The following TENM2 variants were observed in gnomAD, a reference collection of about 807,000 sequenced individuals.
TENM2 encodes the protein teneurin transmembrane protein 2.
In TENM2, 52 loss-of-function variants were observed where a neutral mutation model predicts 245.2. The observed-to-expected ratio is 0.21, with a 90% CI of 0.17 to 0.27. The LOEUF (loss-of-function observed/expected upper bound fraction) is 0.27, where lower values mean the gene tolerates loss of function less well. Among genes scored for constraint, TENM2 ranks in the 10% least tolerant of loss-of-function variants. The probability of loss-of-function intolerance (pLI) is 1.00; values close to 1 mark genes in which losing one functional copy is unlikely to be tolerated. For synonymous variants in TENM2, 1,363 were observed against 1,438.9 expected, an observed-to-expected ratio of 0.95 and a Z score of 1.19; for missense variants, 3,046 against 3,666.8, an observed-to-expected ratio of 0.83 and a Z score of 4.37.
chr5:167,866,603 C>T (rs115791216), intron 2 of TENM2, among the ~76,000 whole-genome samples: 2,020 of 151,786 alleles, frequency 0.013, 29 homozygotes, highest in Non-Finnish European at 0.017. Context: ...ACAGTTGTTT[C>T]GGCGTGTTTA....
At chr5:167,916,769 G>A (rs1029722476) in intron 3 of TENM2, among the ~76,000 whole-genome samples, 1 of 152,166 alleles carries the variant, frequency 6.6e-6, no homozygotes, top group Non-Finnish European at 1.5e-5. Context: ...TCCGTGGGAG[G>A]CCTCACTTAT....
At chr5:168,152,700 T>C (rs1756762647) in intron 12 of TENM2, among the ~76,000 whole-genome samples, 1 of 152,172 alleles carries the variant, frequency 6.6e-6, no homozygotes, top group East Asian at 1.9e-4. Flanking sequence ...CACTGGACTC[T>C]CTTATTATTG....
the TENM2 span, among the ~76,000 whole-genome samples, chr5:167,054,469 A>T: frequency 6.6e-6 from 1 of 152,168 alleles, no homozygotes; most frequent in African/African-American, 2.4e-5. Flanking sequence ...AGTTTTGGCA[A>T]TTGAATAAAG....
chr5:168,219,851 C>T (rs952920890), intron 23 of TENM2, among the ~76,000 whole-genome samples: 114 of 94,394 alleles, frequency 1.2e-3, no homozygotes, highest in Admixed American at 0.011. Flanking sequence ...AAAAAAAAAG[C>T]GGGGGACAAG....
chr5:168,054,449 G>A (rs1789369002), intron 6 of TENM2, among the ~76,000 whole-genome samples: 1 of 152,200 alleles, frequency 6.6e-6, no homozygotes, highest in Admixed American at 6.5e-5. Context: ...AATGACTGTA[G>A]CAATATTCTG....
chr5:167,680,927 C>CTGTCT (rs5873061), intron 2 of TENM2, among the ~76,000 whole-genome samples: 67,005 of 151,494 alleles, frequency 0.44, 17,750 homozygotes, highest in East Asian at 0.94. Flanking sequence ...GTGTCATAAA[C>CTGTCT]TTGAATGATG....
chr5:167,055,119 A>T, the TENM2 span, among the ~76,000 whole-genome samples: 1 of 151,966 alleles, frequency 6.6e-6, no homozygotes, highest in Admixed American at 6.6e-5. Context: ...GGTCATATAG[A>T]TTTTTCTCCT....
chr5:167,630,039 C>A (rs948015411), intron 2 of TENM2, among the ~76,000 whole-genome samples: 1 of 152,032 alleles, frequency 6.6e-6, no homozygotes, highest in Non-Finnish European at 1.5e-5. Flanking sequence ...TGGACAGTAC[C>A]AAACCCTATA....
chr5:167,642,986 C>T (rs571422386), intron 2 of TENM2, among the ~76,000 whole-genome samples: 1 of 152,282 alleles, frequency 6.6e-6, no homozygotes, highest in South Asian at 2.1e-4. Flanking sequence ...CCACCGCTCA[C>T]TGCAAAGGGG....
chr5:167,629,479 G>T (rs1444555566), intron 2 of TENM2, among the ~76,000 whole-genome samples: 1 of 152,072 alleles, frequency 6.6e-6, no homozygotes, highest in African/African-American at 2.4e-5. Flanking sequence ...TGCCATGTTG[G>T]TACATATTTT....
At chr5:167,761,434 A>T (rs1762658107) in intron 2 of TENM2, among the ~76,000 whole-genome samples, 1 of 152,126 alleles carries the variant, frequency 6.6e-6, no homozygotes, top group Non-Finnish European at 1.5e-5. Context: ...CCACTCCAAG[A>T]AATTCTTCAA....
Position 167,578,027 on chromosome 5 carries a change from G to A in TENM2, c.502+202554G>A, listed in dbSNP as rs1440673249. On this transcript the variant is annotated intron_variant, in intron 2 of 28. Coordinates refer to ENST00000518659, the Ensembl canonical transcript of TENM2. ...ATCAGCGTGGGCACAGGGGGCACATGCCAAAAGGGAACAACCGATGCTAGT... is the reference window on the plus strand; with the variant it reads ...ATCAGCGTGGGCACAGGGGGCACATACCAAAAGGGAACAACCGATGCTAGT... 3.3e-5 allele frequency among the ~76,000 whole-genome samples: 5 copies of A among 152,172 alleles called. No individual in the cohort carries two copies. In the East Asian group the frequency reaches 9.7e-4, roughly 29 times the overall value.
chr5:167,084,330 TATATATA>T, the TENM2 span, among the ~76,000 whole-genome samples: 5 of 60,606 alleles, frequency 8.3e-5, no homozygotes, highest in African/African-American at 1.8e-4. Context: ...ATTTTAGTTA[TATATATA>T]TATATATATA....
intron 4 of TENM2, among the ~76,000 whole-genome samples, chr5:167,987,275 G>A (rs973295615): frequency 6.6e-6 from 1 of 151,632 alleles, no homozygotes; most frequent in Admixed American, 6.6e-5. Context: ...AGTGATTCAG[G>A]TAGAATTTCT....
intron 2 of TENM2, among the ~76,000 whole-genome samples, chr5:167,607,774 T>TA (rs1777161040): frequency 1.3e-5 from 2 of 152,202 alleles, no homozygotes; most frequent in African/African-American, 2.4e-5. Context: ...TGCAATAAGA[T>TA]AGAGTCCCTG....
chr5:167,800,568 G>A (rs1278374752), intron 2 of TENM2, among the ~76,000 whole-genome samples: 2 of 152,192 alleles, frequency 1.3e-5, no homozygotes, highest in African/African-American at 4.8e-5. Context: ...AGAGCCTGCA[G>A]TTATAATATG....
At chr5:167,561,664 G>T (rs1773595922) in intron 2 of TENM2, among the ~76,000 whole-genome samples, 5 of 152,192 alleles carry the variant, frequency 3.3e-5, no homozygotes, top group Admixed American at 3.3e-4. Context: ...CAAAAATAAG[G>T]GTGAGGAGGC....
At chr5:167,737,090 C>T (rs1294744296) in intron 2 of TENM2, among the ~76,000 whole-genome samples, 1 of 152,196 alleles carries the variant, frequency 6.6e-6, no homozygotes, top group East Asian at 1.9e-4. Context: ...AAAGACAACT[C>T]CTGTCGCTCC....
At chr5:168,210,587 G>T (rs1762723352) in intron 19 of TENM2, among the ~76,000 whole-genome samples, 1 of 150,970 alleles carries the variant, frequency 6.6e-6, no homozygotes, top group South Asian at 2.1e-4. Context: ...TCAGAGCTCA[G>T]AAGTTATCAG....
Sources: gnomAD v4.1 joint callset for allele counts (sites outside exome capture counted in the v4.1 genomes callset) on GRCh38, gnomAD v4.1.1 for gene constraint, MANE v1.5 for transcripts, NCBI Gene and HGNC (gene_info 2026-07-23, HGNC 2026-07-21) for gene names.